Variants in ZNF107 observed in about 807,000 individuals in gnomAD.
ZNF107 encodes zinc finger protein 107.
In ZNF107, 19 loss-of-function variants were observed where a neutral mutation model predicts 12.3. That is an observed-to-expected ratio of 1.55 (90% CI 1.08 to 2.27). The LOEUF (loss-of-function observed/expected upper bound fraction) is 2.27. ZNF107 is among the 30% of genes most tolerant of loss of function. ZNF107 has a pLI of 0.00. For synonymous variants in ZNF107, 317 were observed against 330.5 expected (o/e 0.96, Z 0.44); for missense variants, 958 against 979.9 (o/e 0.98, Z 0.30).
chr7:64,708,795 C>G lies in ZNF107; in HGVS notation c.*139C>G. ...TATTTTATACTGGTGAGAAACCTTA[C>G]AATGTAAAGAATGTGGCACAGCTTT... On this transcript the variant is annotated 3_prime_UTR_variant, in exon 4 of 4. Transcript: ENST00000620827. 1 of 842,186 alleles carries G rather than the reference C, an allele frequency of 1.2e-6. No homozygotes were observed. Among genetic ancestry groups the G allele is most frequent in the East Asian group, 2.7e-5 (1 of 37,338 alleles). 52.2% of individuals were successfully genotyped at this position (842,186 alleles called of 1,614,324 possible). A position where few individuals can be genotyped will look rare whatever the true frequency, so the allele number is the denominator to read the frequency against.
intron 1 of ZNF107, among the ~76,000 whole-genome samples, chr7:64,682,403 A>G (rs1425017580): frequency 6.6e-6 from 1 of 151,138 alleles, no homozygotes. Context: ...TCTTAACAAA[A>G]CCCCTTTATA....
chr7:64,671,504 C>T (rs1335107727), intron 1 of ZNF107, among the ~76,000 whole-genome samples: 1 of 152,178 alleles, frequency 6.6e-6, no homozygotes, highest in African/African-American at 2.4e-5. Flanking sequence ...TTCTGGACCA[C>T]CTGTTCATAA....
rs1041684000 is a variant in ZNF107 at position 64,711,199 on chromosome 7, A to G, written c.*2543A>G. ...CTACTTGATAACATAATGGGCTAAC[A>G]TCTCTAATAATTATTTTTGCTAGTG... On this transcript the variant is annotated 3_prime_UTR_variant, in exon 4 of 4. Transcript: ENST00000620827. 3.9e-5 allele frequency: 6 copies of G among 152,164 alleles called. No individual in the cohort carries two copies. Among genetic ancestry groups the G allele is most frequent in the African/African-American group, 1.4e-4 (6 of 41,456 alleles). 9.4% of individuals were successfully genotyped at this position (152,164 alleles called of 1,614,324 possible).
At chr7:64,681,256 CCACT>C (rs1789660709) in intron 1 of ZNF107, among the ~76,000 whole-genome samples, 1 of 152,004 alleles carries the variant, frequency 6.6e-6, no homozygotes, top group Non-Finnish European at 1.5e-5. Context: ...GATATGGGGG[CCACT>C]CACTCCACCC....
chr7:64,703,309 AT>A, intron 3 of ZNF107, among the ~76,000 whole-genome samples: 1 of 151,958 alleles, frequency 6.6e-6, no homozygotes, highest in South Asian at 2.1e-4. Context: ...TTATCCCTGT[AT>A]TTTTTTATGA....
In ZNF107 at chr7:64,666,151, A is replaced by C. The variant is rs1319383484; in HGVS notation, c.-132A>C. The C allele has an allele frequency of 3.3e-5, 42 of 1,268,042 alleles. No individual in the cohort carries two copies. The highest frequency in any genetic ancestry group is 4.3e-5 in the Non-Finnish European group (38 of 891,600). The allele number at this position is 1,268,042 out of a possible 1,614,324, so 78.5% of individuals were successfully genotyped here. On this transcript the variant is annotated 5_prime_UTR_variant, in exon 1 of 4. Transcript: ENST00000620827. ...TGGCGGGGCCTTTGTCTCTGGCTGC[A>C]GCCGGAGCTCCTGCTCTCCTCCTCA...
At chr7:64,704,577 T>C (rs1427406846) in intron 3 of ZNF107, among the ~76,000 whole-genome samples, 2 of 152,196 alleles carry the variant, frequency 1.3e-5, no homozygotes, top group Non-Finnish European at 2.9e-5. Context: ...TTATGTGCTG[T>C]TTTCTTGCAT....
In ZNF107 at chr7:64,706,593, AGAC is replaced by A. The variant is rs1180631190; in HGVS notation, c.497_499del (p.Arg166_His167delinsAsn). 6.2e-7 allele frequency: 1 copy of A among 1,612,060 alleles called. No homozygotes were observed. Among genetic ancestry groups the A allele is most frequent in the East Asian group, 2.2e-5 (1 of 44,852 alleles). On this transcript the variant is annotated inframe_deletion, in exon 4 of 4. Coordinates refer to ENST00000620827, the MANE Select transcript of ZNF107 (RefSeq NM_001282359.2). ...TTCAAATTCAAATAGATATAAGAGA[AGAC>A]ATACAGGAAACAAACACTTCAAATG...
At chr7:64,675,917 A>G (rs73361886) in intron 1 of ZNF107, among the ~76,000 whole-genome samples, 7,147 of 152,252 alleles carry the variant, frequency 0.047, 452 homozygotes, top group African/African-American at 0.14. Flanking sequence ...CAGTGGCACA[A>G]TCTCGGCTCA....
intron 3 of ZNF107, among the ~76,000 whole-genome samples, chr7:64,703,572 G>A (rs2128967361): frequency 6.6e-6 from 1 of 152,174 alleles, no homozygotes; most frequent in East Asian, 1.9e-4. Flanking sequence ...TGGGATTACA[G>A]GCACCCACCA....
chr7:64,677,631 A>C (rs1316746374), intron 1 of ZNF107, among the ~76,000 whole-genome samples: 10 of 151,286 alleles, frequency 6.6e-5, no homozygotes, highest in Non-Finnish European at 1.5e-4. Flanking sequence ...AGGCGGGCGG[A>C]TCATGAGATC....
chr7:64,696,510 G>T (rs1007387169), intron 3 of ZNF107, among the ~76,000 whole-genome samples: 3 of 152,004 alleles, frequency 2.0e-5, no homozygotes, highest in Admixed American at 6.6e-5. Flanking sequence ...GTGAGACCTG[G>T]TCTCAAAAAA....
intron 3 of ZNF107, among the ~76,000 whole-genome samples, chr7:64,695,587 G>A (rs1790262134): frequency 6.6e-6 from 1 of 152,136 alleles, no homozygotes. Flanking sequence ...TTAAGTCAAT[G>A]TGGGGTTTAA....
chr7:64,695,004 T>G (rs949089364), intron 3 of ZNF107, among the ~76,000 whole-genome samples: 5 of 152,180 alleles, frequency 3.3e-5, no homozygotes, highest in Admixed American at 3.3e-4. Context: ...AATAATAATA[T>G]AACTTATTCT....
intron 1 of ZNF107, among the ~76,000 whole-genome samples, chr7:64,688,343 A>G (rs529051639): frequency 7.2e-6 from 1 of 139,576 alleles, no homozygotes; most frequent in Admixed American, 8.2e-5. Flanking sequence ...TGCAACCTCC[A>G]CCTTCTGGGT....
chr7:64,709,832 TGAA>T lies in ZNF107; in HGVS notation c.*1182_*1184del, dbSNP rs1167394687. On this transcript the variant is annotated 3_prime_UTR_variant, in exon 4 of 4. Transcript: ENST00000620827. ...TTTCAGAAAATATAAGCCTTTAAAG[TGAA>T]GAAGAGGAGCCAGTTGTGCTGGCTC... 2.3e-6 allele frequency: 1 copy of T among 433,224 alleles called. No individual in the cohort carries two copies. Among genetic ancestry groups the T allele is most frequent in the Non-Finnish European group, 4.6e-6 (1 of 219,054 alleles). 26.8% of individuals were successfully genotyped at this position (433,224 alleles called of 1,614,324 possible).
At position 64,691,265 on chromosome 7, in the gene ZNF107, A is replaced by G. The variant is rs1790108200; in HGVS notation, c.21A>G (p.Lys7=). 2.6e-6 allele frequency: 4 copies of G among 1,532,160 alleles called. No individual in the cohort carries two copies. The Admixed American group carries it at 6.1e-5, about 23-fold the overall frequency. The allele number at this position is 1,532,160 out of a possible 1,614,324, so 94.9% of individuals were successfully genotyped here. A position where few individuals can be genotyped will look rare whatever the true frequency, so the allele number is the denominator to read the frequency against. Reference sequence around the variant, plus strand: ...TTTTTCAGGAACCACTGACATTTAAAGATGTCGCCATAGAATTCTCTCTGG... The same window carrying G: ...TTTTTCAGGAACCACTGACATTTAAGGATGTCGCCATAGAATTCTCTCTGG... MEPLTF[K]DVAIEFSLEE... Residue 7 remains lysine (K), a synonymous_variant, in exon 2 of 4, where the codon AAA becomes AAG. Coordinates refer to ENST00000620827, the MANE Select transcript of ZNF107 (RefSeq NM_001282359.2).
intron 1 of ZNF107, among the ~76,000 whole-genome samples, chr7:64,675,080 T>A (rs531962008): frequency 2.0e-5 from 3 of 152,326 alleles, no homozygotes; most frequent in African/African-American, 7.2e-5. Flanking sequence ...TTTTGTTATA[T>A]CTCTGTCAGG....
At chr7:64,697,784 G>A (rs948810289) in intron 3 of ZNF107, among the ~76,000 whole-genome samples, 1 of 151,058 alleles carries the variant, frequency 6.6e-6, no homozygotes, top group African/African-American at 2.4e-5. Context: ...TCCGCCTCCC[G>A]GGTTCACGCC....
Sources: gnomAD v4.1 joint callset for allele counts (sites outside exome capture counted in the v4.1 genomes callset) on GRCh38, gnomAD v4.1.1 for gene constraint, MANE v1.5 for transcripts, NCBI Gene and HGNC (gene_info 2026-07-23, HGNC 2026-07-21) for gene names.